Variants in INTS7 observed in about 807,000 individuals in gnomAD.
INTS7 encodes the protein chromosome 1 open reading frame 73.
A neutral mutation model predicts 109.2 loss-of-function variants in INTS7; 46 were observed. That is an observed-to-expected ratio of 0.42 (90% CI 0.33 to 0.54). The LOEUF (loss-of-function observed/expected upper bound fraction) is 0.54, where lower values mean the gene tolerates loss of function less well. Ranked by LOEUF, INTS7 falls within the 20% of genes least tolerant of loss-of-function variation. The pLI is 0.07. For missense variants in INTS7, 929 were observed against 1,132.4 expected (o/e 0.82, Z 2.58); for synonymous variants, 412 against 402.9 (o/e 1.02, Z -0.27).
chr1:211,989,730 G>A (rs1381358579), intron 7 of INTS7, among the ~76,000 whole-genome samples: 2 of 151,388 alleles, frequency 1.3e-5, no homozygotes, highest in African/African-American at 2.4e-5. Context: ...GCTGAGGCAG[G>A]AGAATCGCTT....
chr1:211,990,581 AC>A (rs1313986740), intron 7 of INTS7, among the ~76,000 whole-genome samples: 1 of 152,198 alleles, frequency 6.6e-6, no homozygotes, highest in African/African-American at 2.4e-5. Flanking sequence ...TGAAAGAAAA[AC>A]CTAGTTAACA....
At chr1:211,963,061 A>C (rs1458447767) in intron 16 of INTS7, among the ~76,000 whole-genome samples, 4 of 152,180 alleles carry the variant, frequency 2.6e-5, no homozygotes, top group African/African-American at 4.8e-5. Context: ...AATTCAAAAG[A>C]TCAACAAATC....
chr1:211,971,714 G>C (rs1181257708), intron 13 of INTS7, among the ~76,000 whole-genome samples: 1 of 152,046 alleles, frequency 6.6e-6, no homozygotes, highest in African/African-American at 2.4e-5. Flanking sequence ...TCAGGAGTTC[G>C]AGACCAGTCT....
At chr1:212,018,807 A>G (rs1050250576) in intron 3 of INTS7, among the ~76,000 whole-genome samples, 5 of 152,222 alleles carry the variant, frequency 3.3e-5, no homozygotes, top group African/African-American at 1.2e-4. Context: ...ACCAATAGCT[A>G]TTCCCATGTC....
At position 211,966,388 on chromosome 1, in the gene INTS7, A is replaced by G. The variant is rs769312895; in HGVS notation, c.2183+42T>C. ...GATGATTAGGTAAGACAATGTATAG[A>G]AAGTGTTCTGTAACGCCAACTATTA... is the stretch of plus-strand genomic sequence containing the variant. On this transcript the variant is annotated intron_variant, in intron 16 of 19. Transcript: ENST00000366994. 3.6e-6 allele frequency: 4 copies of G among 1,097,230 alleles called. No individual in the cohort carries two copies. In the South Asian group the frequency reaches 5.1e-5, roughly 14 times the overall value. The allele number at this position is 1,097,230 out of a possible 1,614,324, so 68.0% of individuals were successfully genotyped here.
chr1:211,982,238 T>A (rs1178491524), intron 9 of INTS7, among the ~76,000 whole-genome samples: 1 of 152,212 alleles, frequency 6.6e-6, no homozygotes, highest in Non-Finnish European at 1.5e-5. Flanking sequence ...GTAAATTCTG[T>A]GAAAATTTAA....
intron 16 of INTS7, among the ~76,000 whole-genome samples, chr1:211,956,047 G>A (rs534620679): frequency 2.6e-5 from 4 of 152,296 alleles, no homozygotes; most frequent in South Asian, 2.1e-4. Flanking sequence ...TTTCCTGATA[G>A]TTCATATAAA....
chr1:211,968,022 A>G (rs773553885), intron 14 of INTS7, 41 bp from the exon 15 acceptor site: 10 of 1,092,998 alleles, frequency 9.1e-6, no homozygotes, highest in Admixed American at 2.4e-5. Context: ...ACATGCTATC[A>G]TTATTGTATA....
chr1:212,020,048 A>T (rs1476464088), intron 3 of INTS7, 74 bp downstream of exon 3: 1 of 1,073,850 alleles, frequency 9.3e-7, no homozygotes, highest in African/African-American at 1.6e-5. Flanking sequence ...TGAAAAATGT[A>T]AATACACTGC....
intron 1 of INTS7, among the ~76,000 whole-genome samples, chr1:212,024,882 G>A (rs1329001109): frequency 2.0e-5 from 3 of 152,184 alleles, no homozygotes; most frequent in East Asian, 1.9e-4. Flanking sequence ...TCCACTGTTG[G>A]TCTGATCATC....
chr1:212,031,235 C>T (rs1199007712), intron 1 of INTS7, among the ~76,000 whole-genome samples: 1 of 152,192 alleles, frequency 6.6e-6, no homozygotes, highest in Non-Finnish European at 1.5e-5. Context: ...CCTCTTTTCC[C>T]AGGGGGAAGG....
At chr1:212,029,706 T>C (rs1273938399) in intron 1 of INTS7, among the ~76,000 whole-genome samples, 1 of 152,152 alleles carries the variant, frequency 6.6e-6, no homozygotes, top group Non-Finnish European at 1.5e-5. Context: ...ACAAACACAA[T>C]TTAGGACAAT....
At chr1:212,020,851 T>G (rs1666660008) in intron 2 of INTS7, 1 of 607,684 alleles carries the variant, frequency 1.6e-6, no homozygotes, top group Non-Finnish European at 2.3e-6. Context: ...ATATTAAGGT[T>G]GTCTTAATTT....
At position 211,982,743 on chromosome 1, in the gene INTS7, A is replaced by G. The variant is rs781423145; in HGVS notation, c.1065T>C (p.Asn355=). Residue 355 remains asparagine, a synonymous_variant, in exon 9 of 20, where the codon AAT becomes AAC. Transcript: ENST00000366994. ...VKLAQECCYH[N]NRGIAAHGVR... ...CTCCATGAGCTGCAATGCCCCTGTT[A>G]TTATGGTAACAGCACTCTTGGGCTA... is the stretch of plus-strand genomic sequence containing the variant. 7.4e-6 allele frequency: 12 copies of G among 1,611,910 alleles called. No homozygotes were observed. Among genetic ancestry groups the G allele is most frequent in the South Asian group, 1.1e-5 (1 of 90,906 alleles).
At chr1:212,031,993 G>C (rs1667187569) in intron 1 of INTS7, among the ~76,000 whole-genome samples, 1 of 152,176 alleles carries the variant, frequency 6.6e-6, no homozygotes, top group South Asian at 2.1e-4. Context: ...ATGCCTAACT[G>C]ACTAATCATC....
chr1:211,996,846 G>A (rs1250423582), intron 7 of INTS7, among the ~76,000 whole-genome samples: 2 of 151,482 alleles, frequency 1.3e-5, no homozygotes, highest in East Asian at 1.9e-4. Flanking sequence ...ACAAAATAGC[G>A]AGATCTCACC....
chr1:211,976,755 T>C, intron 11 of INTS7, 36 bp from the exon 12 acceptor site: 3 of 1,609,904 alleles, frequency 1.9e-6, no homozygotes, highest in Non-Finnish European at 2.5e-6. Flanking sequence ...AGAAAATCAT[T>C]TAATTTTATT....
At chr1:212,018,044 C>T (rs1282594726) in intron 3 of INTS7, among the ~76,000 whole-genome samples, 1 of 152,176 alleles carries the variant, frequency 6.6e-6, no homozygotes, top group Non-Finnish European at 1.5e-5. Context: ...CTTAATTTTT[C>T]TCTTCCTACT....
At chr1:211,978,193 A>C in intron 11 of INTS7, 79 bp downstream of exon 11, 1 of 1,487,318 alleles carries the variant, frequency 6.7e-7, no homozygotes. Flanking sequence ...GTAAAGTCAA[A>C]TAGTAATGTT....
Sources: gnomAD v4.1 joint callset for allele counts (sites outside exome capture counted in the v4.1 genomes callset) on GRCh38, gnomAD v4.1.1 for gene constraint, MANE v1.5 for transcripts, NCBI Gene and HGNC (gene_info 2026-07-23, HGNC 2026-07-21) for gene names.